The following CSRNP3 variants were observed in gnomAD, a reference collection of about 807,000 sequenced individuals.
The protein encoded by CSRNP3 is cysteine and serine rich nuclear protein 3.
CSRNP3 carries 12 observed loss-of-function variants against 48.0 expected under a neutral mutation model. That is an observed-to-expected ratio of 0.25 (90% CI 0.16 to 0.41). CSRNP3 has a LOEUF of 0.41. Ranked by LOEUF, CSRNP3 falls within the 10% of genes least tolerant of loss-of-function variation. The pLI is 1.00. For missense variants in CSRNP3, 580 were observed against 724.4 expected, an observed-to-expected ratio of 0.80 and a Z score of 2.29; for synonymous variants, 263 against 269.7, an observed-to-expected ratio of 0.98 and a Z score of 0.24.
At chr2:165,640,259 G>A (rs1686702635) in intron 4 of CSRNP3, among the ~76,000 whole-genome samples, 1 of 152,222 alleles carries the variant, frequency 6.6e-6, no homozygotes, top group African/African-American at 2.4e-5. Flanking sequence ...ACAGCACTAT[G>A]TGATGAGTAT....
In CSRNP3 at chr2:165,686,434, A is replaced by G. The variant is rs1687632159; in HGVS notation, c.*6681A>G. On this transcript the variant is annotated 3_prime_UTR_variant, in exon 7 of 7. Coordinates refer to ENST00000651982, the MANE Select transcript of CSRNP3 (RefSeq NM_001172173.2). ...GGTCACCAAGCTTTTTTCCTTAGCC[A>G]TTAAAAAAGCCACCCCTCTTTAAAA... 1 of 152,184 alleles carries G rather than the reference A, an allele frequency of 6.6e-6. No homozygotes were observed. Among genetic ancestry groups the G allele is most frequent in the Admixed American group, 6.6e-5 (1 of 15,244 alleles). The allele number at this position is 152,184 out of a possible 1,614,324, so 9.4% of individuals were successfully genotyped here.
intron 5 of CSRNP3, among the ~76,000 whole-genome samples, chr2:165,662,056 G>A (rs1687106090): frequency 6.7e-6 from 1 of 150,000 alleles, no homozygotes; most frequent in Admixed American, 6.6e-5. Flanking sequence ...CTTTAATAGA[G>A]AAATATGAGA....
At chr2:165,499,317 C>T (rs1684326427) in intron 2 of CSRNP3, among the ~76,000 whole-genome samples, 1 of 152,092 alleles carries the variant, frequency 6.6e-6, no homozygotes, top group South Asian at 2.1e-4. Context: ...ATTCACTTTG[C>T]AGATCAGGCA....
At chr2:165,574,183 C>T (rs781407610) in intron 3 of CSRNP3, 215 of 501,604 alleles carry the variant, frequency 4.3e-4, no homozygotes, top group Non-Finnish European at 4.7e-4. Flanking sequence ...TCCGTTTCAG[C>T]TGCTGGAGGA....
At chr2:165,545,496 T>A (rs960336649) in intron 3 of CSRNP3, among the ~76,000 whole-genome samples, 2 of 152,130 alleles carry the variant, frequency 1.3e-5, no homozygotes, top group Non-Finnish European at 2.9e-5. Flanking sequence ...ATTTGTAATA[T>A]ACATTGACCT....
chr2:165,486,216 C>T (rs902198808), intron 1 of CSRNP3, among the ~76,000 whole-genome samples: 3 of 152,144 alleles, frequency 2.0e-5, no homozygotes, highest in East Asian at 1.9e-4. Flanking sequence ...CACTCCCACC[C>T]GATTATTGCG....
intron 5 of CSRNP3, among the ~76,000 whole-genome samples, chr2:165,663,429 T>C (rs1015768774): frequency 3.3e-5 from 5 of 152,170 alleles, no homozygotes; most frequent in African/African-American, 7.2e-5. Flanking sequence ...ATGGAAAACT[T>C]TGATGTGCTC....
At chr2:165,478,362 T>A (rs1381885205) in intron 1 of CSRNP3, among the ~76,000 whole-genome samples, 1 of 152,218 alleles carries the variant, frequency 6.6e-6, no homozygotes, top group African/African-American at 2.4e-5. Context: ...GAGTAATATA[T>A]TCAATTTTTA....
chr2:165,558,059 G>C (rs1685182735), intron 3 of CSRNP3, among the ~76,000 whole-genome samples: 1 of 152,116 alleles, frequency 6.6e-6, no homozygotes, highest in Non-Finnish European at 1.5e-5. Flanking sequence ...TATACAAAGA[G>C]AAGGTATTCC....
rs77274498 is a variant in CSRNP3 at position 165,589,749 on chromosome 2, A to G, written c.-23-5294A>G. 2.0e-5 allele frequency among the ~76,000 whole-genome samples: 3 copies of G among 152,278 alleles called. No homozygotes were observed. The East Asian group carries it at 5.8e-4, about 29-fold the overall frequency. ...TATCTCTTCAAAAATTTTCCTTCTC[A>G]TTCTTGGGGAGGTGAGAAAGGAAAA... On this transcript the variant is annotated intron_variant, in intron 3 of 6. Transcript: ENST00000651982.
chr2:165,619,647 CA>C (rs1264633314), intron 4 of CSRNP3, among the ~76,000 whole-genome samples: 2 of 152,116 alleles, frequency 1.3e-5, no homozygotes, highest in African/African-American at 4.8e-5. Flanking sequence ...ATTAGAGGCT[CA>C]AATTCTTGCC....
intron 5 of CSRNP3, among the ~76,000 whole-genome samples, chr2:165,674,466 C>T (rs964336878): frequency 1.3e-5 from 2 of 151,642 alleles, no homozygotes; most frequent in African/African-American, 2.4e-5. Context: ...AATGTGACAT[C>T]CTACTAGTGG....
In CSRNP3 at chr2:165,679,377, A is replaced by G. The variant is rs1229959857; in HGVS notation, c.1382A>G (p.Lys461Arg). The G allele has an allele frequency of 1.9e-6, 3 of 1,613,778 alleles. No individual in the cohort carries two copies. Among genetic ancestry groups the G allele is most frequent in the South Asian group, 1.1e-5 (1 of 91,064 alleles). ...SENYSERDTV[K>R]NGTLSLVPYT... Reference sequence around the variant, plus strand: ...AACTATTCTGAAAGAGACACTGTCAAAAATGGTACCCTTTCGCTGGTGCCT... The same window carrying G: ...AACTATTCTGAAAGAGACACTGTCAGAAATGGTACCCTTTCGCTGGTGCCT... The change falls in exon 7 of 7, where the codon AAA (lysine) becomes AGA (arginine). Residue 461 changes from lysine to arginine, a missense_variant. Physicochemically the swap from Lys to Arg is conservative, Grantham distance 26. Around this residue, in one of 4 missense-constraint regions of CSRNP3, gnomAD observed 369 missense variants for 380.8 expected, o/e 0.97. Transcript: ENST00000651982.
chr2:165,586,408 T>C (rs1157063639), intron 3 of CSRNP3, among the ~76,000 whole-genome samples: 1 of 152,142 alleles, frequency 6.6e-6, no homozygotes, highest in Non-Finnish European at 1.5e-5. Flanking sequence ...CGAATGAAGG[T>C]TGTCAGATTA....
In CSRNP3 at chr2:165,676,602, G is replaced by C. The variant is rs1398113642; in HGVS notation, c.699G>C (p.Lys233Asn). Reference sequence around the variant, plus strand: ...GCACCTGCAGCCTGGCTGGCATTAAGTGCCAGGTAAGGGTTGGGAATTCAG... The same window carrying C: ...GCACCTGCAGCCTGGCTGGCATTAACTGCCAGGTAAGGGTTGGGAATTCAG... Reference protein sequence around the residue: ...DTCTCSLAGIKCQVDRMSFPC... With the variant: ...DTCTCSLAGINCQVDRMSFPC... Residue 233 changes from lysine to asparagine, a missense_variant, in exon 6 of 7, where the codon AAG becomes AAC. This residue lies in a region of CSRNP3 where 66 missense variants were observed against 137.6 expected (regional missense o/e 0.48). Coordinates refer to ENST00000651982, the MANE Select transcript of CSRNP3 (RefSeq NM_001172173.2). 1 of 1,612,122 alleles carries C rather than the reference G, an allele frequency of 6.2e-7. No homozygotes were observed. The highest frequency in any genetic ancestry group is 1.3e-5 in the African/African-American group (1 of 74,906).
At chr2:165,616,262 C>A (rs1686241194) in intron 4 of CSRNP3, among the ~76,000 whole-genome samples, 1 of 152,038 alleles carries the variant, frequency 6.6e-6, no homozygotes, top group Admixed American at 6.5e-5. Flanking sequence ...TTCTTACTTT[C>A]TTATTGTACA....
chr2:165,663,981 A>G (rs1340013410), intron 5 of CSRNP3, among the ~76,000 whole-genome samples: 2 of 152,152 alleles, frequency 1.3e-5, no homozygotes, highest in Non-Finnish European at 2.9e-5. Flanking sequence ...GGAAATTTTC[A>G]TATGTCTTAT....
At chr2:165,555,633 C>T (rs1685151502) in intron 3 of CSRNP3, among the ~76,000 whole-genome samples, 1 of 152,100 alleles carries the variant, frequency 6.6e-6, no homozygotes, top group Non-Finnish European at 1.5e-5. Flanking sequence ...GATGGTGAAG[C>T]TGGGATGGTT....
In CSRNP3 at chr2:165,687,771, G is replaced by A. The variant is rs1329845268; in HGVS notation, c.*8018G>A. ...ACGAAGGGAGGTGTCGTGGAGAAAT[G>A]GTGATTTTTCTGGTTACATCACTTG... On this transcript the variant is annotated 3_prime_UTR_variant, in exon 7 of 7. Transcript: ENST00000651982. 6.6e-6 allele frequency: 1 copy of A among 152,002 alleles called. No individual in the cohort carries two copies. Among genetic ancestry groups the A allele is most frequent in the African/African-American group, 2.4e-5 (1 of 41,390 alleles). The allele number at this position is 152,002 out of a possible 1,614,324, so 9.4% of individuals were successfully genotyped here. A position where few individuals can be genotyped will look rare whatever the true frequency, so the allele number is the denominator to read the frequency against.
Sources: gnomAD v4.1 joint callset for allele counts (sites outside exome capture counted in the v4.1 genomes callset) on GRCh38, gnomAD v4.1.1 for gene constraint, gnomAD v4.1.1 regional missense constraint, MANE v1.5 for transcripts, NCBI Gene and HGNC (gene_info 2026-07-23, HGNC 2026-07-21) for gene names.